Variants in PRRC2B observed in about 807,000 individuals in gnomAD.
PRRC2B encodes the protein proline rich coiled-coil 2B.
In PRRC2B, 68 loss-of-function variants were observed where a neutral mutation model predicts 242.3. The observed-to-expected ratio is 0.28, with a 90% CI of 0.23 to 0.34. The LOEUF (loss-of-function observed/expected upper bound fraction) is 0.34, where lower values mean the gene tolerates loss of function less well. Ranked by LOEUF, PRRC2B falls within the 10% of genes least tolerant of loss-of-function variation. The probability of loss-of-function intolerance (pLI) is 1.00; values close to 1 mark genes in which losing one functional copy is unlikely to be tolerated. For missense variants in PRRC2B, 2,835 were observed against 2,954.8 expected, an observed-to-expected ratio of 0.96 and a Z score of 0.94; for synonymous variants, 1,228 against 1,173.6, an observed-to-expected ratio of 1.05 and a Z score of -0.95.
intron 1 of PRRC2B, among the ~76,000 whole-genome samples, chr9:131,384,570 C>T (rs1034412920): frequency 6.6e-6 from 1 of 152,122 alleles, no homozygotes; most frequent in Non-Finnish European, 1.5e-5. Context: ...AGGTGTGAGC[C>T]ACTGCGCCCG....
chr9:131,409,085 C>A (rs577168177), intron 1 of PRRC2B, among the ~76,000 whole-genome samples: 33 of 149,724 alleles, frequency 2.2e-4, no homozygotes, highest in African/African-American at 7.1e-4. Flanking sequence ...TGCAATGGCG[C>A]GATCTTGTCT....
chr9:131,446,436 A>G lies in PRRC2B; in HGVS notation c.649A>G (p.Ile217Val), dbSNP rs545470217. 7 of 1,613,826 alleles carry G rather than the reference A, an allele frequency of 4.3e-6. No homozygotes were observed. The highest frequency in any genetic ancestry group is 5.9e-6 in the Non-Finnish European group (7 of 1,179,864). ...TSWREGGGRH[I>V]ISATSLSTSP... is the part of the protein sequence containing the mutation. ...CTGGAGGGAGGGCGGTGGGCGACAC[A>G]TAATTTCTGCCACGTCTCTGAGCAC... The change falls in exon 7 of 32, where the codon ATA (isoleucine) becomes GTA (valine). Residue 217 changes from isoleucine to valine, a missense_variant. By Grantham distance (29) the Ile-to-Val change is conservative (BLOSUM62 3). Coordinates refer to ENST00000683519, the MANE Select transcript of PRRC2B (RefSeq NM_013318.4). The surrounding 1 kb of genome is among the most constrained non-coding windows in gnomAD (Gnocchi z 4.1).
chr9:131,407,305 C>T (rs1367061884), intron 1 of PRRC2B, among the ~76,000 whole-genome samples: 2 of 151,060 alleles, frequency 1.3e-5, no homozygotes, highest in Non-Finnish European at 2.9e-5. Context: ...TTAGACGCTT[C>T]GGGGAGATGG....
intron 10 of PRRC2B, among the ~76,000 whole-genome samples, chr9:131,458,624 C>T (rs1390370749): frequency 6.6e-6 from 1 of 152,008 alleles, no homozygotes; most frequent in East Asian, 1.9e-4. Context: ...CCCACCTCAG[C>T]CTCTAGTAGC....
intron 9 of PRRC2B, among the ~76,000 whole-genome samples, chr9:131,450,282 T>TC (rs1408450226): frequency 5.3e-5 from 8 of 151,822 alleles, no homozygotes; most frequent in African/African-American, 9.7e-5. Context: ...TTTTTTTTTT[T>TC]CCCGAGACAG....
At chr9:131,413,576 C>G (rs1837561626) in intron 1 of PRRC2B, among the ~76,000 whole-genome samples, 1 of 152,196 alleles carries the variant, frequency 6.6e-6, no homozygotes, top group South Asian at 2.1e-4. Context: ...CTGTGTTGCC[C>G]AGGCTGGTCT....
Position 131,492,823 on chromosome 9 carries a change from G to A in PRRC2B, c.6473+563G>A, listed in dbSNP as rs113327665. Reference sequence around the variant, plus strand: ...AGCTGGATACTCAGGTGGCTCTGTCGGATGTTGGCGAGAGCCTCTGGTCCA... The same window carrying A: ...AGCTGGATACTCAGGTGGCTCTGTCAGATGTTGGCGAGAGCCTCTGGTCCA... On this transcript the variant is annotated intron_variant, in intron 30 of 31. Coordinates refer to ENST00000683519, the MANE Select transcript of PRRC2B (RefSeq NM_013318.4). 6.7e-3 allele frequency among the ~76,000 whole-genome samples: 1,016 copies of A among 152,328 alleles called. 9 individuals carry two copies. The highest frequency in any genetic ancestry group is 0.022 in the African/African-American group (897 of 41,574).
At chr9:131,397,703 A>G (rs1039406272) in intron 1 of PRRC2B, among the ~76,000 whole-genome samples, 3 of 151,860 alleles carry the variant, frequency 2.0e-5, no homozygotes, top group African/African-American at 4.8e-5. Flanking sequence ...TTCAAACCAG[A>G]ATAGGCCAGG....
chr9:131,403,199 C>A (rs1588238322), intron 1 of PRRC2B, among the ~76,000 whole-genome samples: 1 of 152,308 alleles, frequency 6.6e-6, no homozygotes, highest in South Asian at 2.1e-4. Context: ...GCCTGCCCAA[C>A]CGACCTGTCG....
intron 15 of PRRC2B, 76 bp from the exon 16 acceptor site, chr9:131,474,378 C>T: frequency 8.0e-7 from 1 of 1,243,572 alleles, no homozygotes. Flanking sequence ...CTTTTTAAAA[C>T]TAAGCTCTGT....
intron 5 of PRRC2B, among the ~76,000 whole-genome samples, chr9:131,442,927 A>AGAAT (rs1838649275): frequency 6.6e-6 from 1 of 152,222 alleles, no homozygotes; most frequent in South Asian, 2.1e-4. Flanking sequence ...AATGAATGAA[A>AGAAT]GAATGAAGAA....
rs528346392 is a variant in PRRC2B at position 131,471,334 on chromosome 9, A to G, written c.2107+351A>G. Among the ~76,000 whole-genome samples the G allele has an allele frequency of 7.2e-5, 11 of 152,194 alleles. No homozygotes were observed. In the East Asian group the frequency reaches 7.7e-4, roughly 11 times the overall value. ...GTTTGTCTAGTGCCTTTTTAAAATCAGTATTTGGGCTTCTTCATTCCTCTA... is the reference window on the plus strand; with the variant it reads ...GTTTGTCTAGTGCCTTTTTAAAATCGGTATTTGGGCTTCTTCATTCCTCTA... On this transcript the variant is annotated intron_variant, in intron 14 of 31. Coordinates refer to ENST00000683519, the MANE Select transcript of PRRC2B (RefSeq NM_013318.4).
intron 1 of PRRC2B, among the ~76,000 whole-genome samples, chr9:131,382,121 ATTC>A (rs1836769535): frequency 1.3e-5 from 2 of 152,058 alleles, no homozygotes. Flanking sequence ...GGTTCAAGCA[ATTC>A]TTCTGCCTCA....
At chr9:131,435,188 C>T (rs1371426946) in intron 3 of PRRC2B, among the ~76,000 whole-genome samples, 12 of 151,716 alleles carry the variant, frequency 7.9e-5, no homozygotes, top group African/African-American at 2.7e-4. Context: ...ATCCCAGCTA[C>T]TTGGGAGGAT....
intron 1 of PRRC2B, among the ~76,000 whole-genome samples, chr9:131,385,703 C>CT (rs997995508): frequency 2.0e-5 from 3 of 150,290 alleles, no homozygotes; most frequent in Non-Finnish European, 4.4e-5. Flanking sequence ...TATCCTCATT[C>CT]TTTTTTTTGA....
At chr9:131,453,002 T>G (rs989937865) in intron 9 of PRRC2B, among the ~76,000 whole-genome samples, 1 of 152,230 alleles carries the variant, frequency 6.6e-6, no homozygotes, top group South Asian at 2.1e-4. Flanking sequence ...TTTGTCTGCT[T>G]CTATGAGTTA....
At chr9:131,430,766 T>A (rs1838139956) in intron 2 of PRRC2B, among the ~76,000 whole-genome samples, 1 of 150,704 alleles carries the variant, frequency 6.6e-6, no homozygotes, top group Non-Finnish European at 1.5e-5. Context: ...CTAATTTTTG[T>A]ATTTTTAGTA....
At chr9:131,480,177 G>A (rs997254221) in intron 19 of PRRC2B, among the ~76,000 whole-genome samples, 6 of 152,168 alleles carry the variant, frequency 3.9e-5, no homozygotes, top group Non-Finnish European at 8.8e-5. Flanking sequence ...AGAGGGAAGG[G>A]ACTTGACTCA....
intron 9 of PRRC2B, among the ~76,000 whole-genome samples, chr9:131,451,516 T>C (rs1484194046): frequency 6.6e-6 from 1 of 152,256 alleles, no homozygotes; most frequent in Non-Finnish European, 1.5e-5. Flanking sequence ...CATAAACCCT[T>C]ATGTAGTTTG....
Sources: gnomAD v4.1 joint callset for allele counts (sites outside exome capture counted in the v4.1 genomes callset) on GRCh38, gnomAD v4.1.1 for gene constraint, Gnocchi (gnomAD v3.1) non-coding constraint, MANE v1.5 for transcripts, NCBI Gene and HGNC (gene_info 2026-07-23, HGNC 2026-07-21) for gene names.